The following COL5A3 variants were observed in gnomAD, a reference collection of about 807,000 sequenced individuals.
The protein encoded by COL5A3 is collagen type V alpha 3 chain.
A neutral mutation model predicts 250.0 loss-of-function variants in COL5A3; 172 were observed. The observed-to-expected ratio is 0.69, with a 90% CI of 0.61 to 0.78. COL5A3 has a LOEUF of 0.78. COL5A3 is among the 30% of genes least tolerant of loss of function. The pLI is 0.00. For missense variants in COL5A3, 2,340 were observed against 2,334.4 expected (o/e 1.00, Z -0.05); for synonymous variants, 937 against 900.4 (o/e 1.04, Z -0.73).
intron 44 of COL5A3, 151 bp from the exon 45 acceptor site, chr19:9,976,762 CT>C: frequency 1.5e-6 from 1 of 655,384 alleles, no homozygotes. Flanking sequence ...ATCCTGTCTT[CT>C]CAGCCACCAA....
intron 12 of COL5A3, 32 bp from the exon 13 acceptor site, chr19:9,996,548 C>T: frequency 6.2e-7 from 1 of 1,613,628 alleles, no homozygotes; most frequent in Non-Finnish European, 8.5e-7. Flanking sequence ...GGGAAGCCCC[C>T]AGGAGAGGCC....
At chr19:9,982,728 G>A (rs2087027824) in intron 31 of COL5A3, among the ~76,000 whole-genome samples, 1 of 152,174 alleles carries the variant, frequency 6.6e-6, no homozygotes, top group Non-Finnish European at 1.5e-5. Flanking sequence ...TGCAGACTGA[G>A]TTCAGATCAG....
rs1354841762 is a variant in COL5A3 at position 9,969,591 on chromosome 19, C to T, written c.4082G>A (p.Gly1361Glu). Residue 1361 changes from glycine to glutamate, a missense_variant, in exon 56 of 67, where the codon GGG becomes GAG. Physicochemically the swap from Gly to Glu is moderately conservative, Grantham distance 98. Transcript: ENST00000264828. ...PGRVGPEGLR[G>E]IPGPVGEPGL... ...TCCACTCACCACAGGGCCAGGGATC[C>T]CTCGAAGACCCTCAGGCCCCACACG... The T allele has an allele frequency of 6.2e-7, 1 of 1,610,010 alleles. No individual in the cohort carries two copies. The highest frequency in any genetic ancestry group is 1.1e-5 in the South Asian group (1 of 90,704).
At position 9,993,426 on chromosome 19, in the gene COL5A3, A is replaced by C; in HGVS notation, c.1703T>G (p.Phe568Cys). Residue 568 changes from phenylalanine (F) to cysteine (C), a missense_variant, in exon 19 of 67, where the codon TTT becomes TGT. By Grantham distance (205) the Phe-to-Cys change is radical. Coordinates refer to ENST00000264828, the MANE Select transcript of COL5A3 (RefSeq NM_015719.4). Reference protein sequence around the residue: ...LPGEKGQRGDFGHVGQPGPPG... With the variant: ...LPGEKGQRGDCGHVGQPGPPG... ...GGGACCGGGTTGCCCCACATGGCCAAAGTCACCCTGGAGAGGGAACAGAGG... is the reference window on the plus strand; with the variant it reads ...GGGACCGGGTTGCCCCACATGGCCACAGTCACCCTGGAGAGGGAACAGAGG... 6.2e-7 allele frequency: 1 copy of C among 1,614,138 alleles called. No homozygotes were observed. Among genetic ancestry groups the C allele is most frequent in the South Asian group, 1.1e-5 (1 of 91,068 alleles).
intron 35 of COL5A3, 53 bp downstream of exon 35, chr19:9,980,595 C>CTCTT (rs1457938104): frequency 1.3e-6 from 2 of 1,564,790 alleles, no homozygotes; most frequent in Non-Finnish European, 1.7e-6. Context: ...CTCAGAATCT[C>CTCTT]TCTCTCTCAC....
At position 9,959,967 on chromosome 19, in the gene COL5A3, G is replaced by T. The variant is rs768467338; in HGVS notation, c.*444C>A. On this transcript the variant is annotated 3_prime_UTR_variant, in exon 67 of 67. Coordinates refer to ENST00000264828, the MANE Select transcript of COL5A3 (RefSeq NM_015719.4). ...GAAAGGATCAAAGGGGGTGGGGGTA[G>T]GGGTCCCAGCCTGGGATCAGGAGAC... The T allele has an allele frequency of 1.7e-4, 29 of 175,616 alleles. No individual in the cohort carries two copies. The highest frequency in any genetic ancestry group is 2.8e-4 in the Non-Finnish European group (23 of 80,918). The allele number at this position is 175,616 out of a possible 1,614,324, so 10.9% of individuals were successfully genotyped here.
At chr19:9,965,161 T>TC (rs2086724111) in intron 64 of COL5A3, among the ~76,000 whole-genome samples, 1 of 147,896 alleles carries the variant, frequency 6.8e-6, no homozygotes, top group South Asian at 2.1e-4. Context: ...TTTTTCTTTT[T>TC]TTTTTTTTTT....
intron 11 of COL5A3, chr19:9,996,915 G>T: frequency 1.8e-6 from 1 of 557,314 alleles, no homozygotes. Flanking sequence ...AGAGAGGGAT[G>T]GAGAAGGATG....
At chr19:9,994,995 C>T (rs1243525446) in intron 16 of COL5A3, among the ~76,000 whole-genome samples, 2 of 152,066 alleles carry the variant, frequency 1.3e-5, no homozygotes, top group Non-Finnish European at 2.9e-5. Context: ...GCAACCTCTG[C>T]TTCCTGGATT....
chr19:9,993,204 G>T, intron 19 of COL5A3, 137 bp from the exon 20 acceptor site: 1 of 1,150,846 alleles, frequency 8.7e-7, no homozygotes, highest in Non-Finnish European at 1.3e-6. Context: ...AAGTTCATGG[G>T]ATTCCATTCA....
At chr19:9,982,829 G>A (rs2087029144) in intron 31 of COL5A3, among the ~76,000 whole-genome samples, 1 of 151,988 alleles carries the variant, frequency 6.6e-6, no homozygotes, top group Non-Finnish European at 1.5e-5. Context: ...CCCATCTGGG[G>A]GTTCCATGGT....
At position 9,977,270 on chromosome 19, in the gene COL5A3, C is replaced by T; in HGVS notation, c.3247G>A (p.Ala1083Thr). The T allele has an allele frequency of 6.2e-7, 1 of 1,614,128 alleles. No homozygotes were observed. Among genetic ancestry groups the T allele is most frequent in the Non-Finnish European group, 8.5e-7 (1 of 1,179,982 alleles). The part of the protein sequence containing the change: ...GEEGDKGDVG[A>T]PGHKGSKGDK... ...CCTTTACTCCCCTTGTGTCCGGGGG[C>T]ACCCACATCCCCCTGCAGAGGAAAT... is the stretch of plus-strand genomic sequence containing the variant. Residue 1083 changes from alanine (A) to threonine (T), a missense_variant, in exon 44 of 67, where the codon GCC becomes ACC. Coordinates refer to ENST00000264828, the MANE Select transcript of COL5A3 (RefSeq NM_015719.4).
chr19:9,978,326 C>T (rs1259205256), intron 41 of COL5A3, among the ~76,000 whole-genome samples: 7 of 152,030 alleles, frequency 4.6e-5, no homozygotes, highest in East Asian at 1.9e-4. Flanking sequence ...CAGGTTCAAG[C>T]GATTCTCCTG....
At position 9,996,084 on chromosome 19, in the gene COL5A3, C is replaced by A; in HGVS notation, c.1515G>T (p.Glu505Asp). The change falls in exon 15 of 67, where the codon GAG (glutamate) becomes GAT (aspartate). Residue 505 changes from glutamate (E) to aspartate (D), a missense_variant. By Grantham distance (45) the Glu-to-Asp change is conservative. Around this residue, in one of 3 missense-constraint regions of COL5A3, gnomAD observed 1,152 missense variants for 1,146.3 expected, o/e 1.00. Coordinates refer to ENST00000264828, the MANE Select transcript of COL5A3 (RefSeq NM_015719.4). ...GTCTCACCTGTGGCCCTTCTGCTCC[C>A]TCCTCTCCTTTCAGACCTGGATGCC... ...LPGHPGLKGE[E>D]GAEGPQGPRG... 6.3e-7 allele frequency: 1 copy of A among 1,584,908 alleles called. No homozygotes were observed. Among genetic ancestry groups the A allele is most frequent in the Non-Finnish European group, 8.6e-7 (1 of 1,166,642 alleles).
In COL5A3 at chr19:9,978,924, G is replaced by T; in HGVS notation, c.2931C>A (p.Gly977=). The T allele has an allele frequency of 1.3e-6, 2 of 1,506,652 alleles. No homozygotes were observed. Among genetic ancestry groups the T allele is most frequent in the Non-Finnish European group, 1.8e-6 (2 of 1,129,758 alleles). The allele number at this position is 1,506,652 out of a possible 1,614,324, so 93.3% of individuals were successfully genotyped here. The change falls in exon 40 of 67, where the codon GGC becomes GGA. Residue 977 remains glycine (G), a synonymous_variant. Coordinates refer to ENST00000264828, the MANE Select transcript of COL5A3 (RefSeq NM_015719.4). ...CAGGGCCCCCTTTGGGGCCGGGAAAGCCCCTGAGTCCAGCTGGCCCTTCTT... is the reference window on the plus strand; with the variant it reads ...CAGGGCCCCCTTTGGGGCCGGGAAATCCCCTGAGTCCAGCTGGCCCTTCTT... The part of the protein sequence containing the change: ...LGKEGPAGLR[G]FPGPKGGPGD...
rs2087297252 is a variant in COL5A3, at chr19:9,998,014, A to C, written c.1170T>G (p.Phe390Leu). 1 of 1,614,048 alleles carries C rather than the reference A, an allele frequency of 6.2e-7. No individual in the cohort carries two copies. The highest frequency in any genetic ancestry group is 8.5e-7 in the Non-Finnish European group (1 of 1,180,012). ...EPAVIEKGQQ[F>L]EGPPGAPGPQ... ...GTCCTGGGGCTCCTGGAGGTCCCTCAAACTGCTGCCCCTGAAGGGAGAAGT... is the reference window on the plus strand; with the variant it reads ...GTCCTGGGGCTCCTGGAGGTCCCTCCAACTGCTGCCCCTGAAGGGAGAAGT... The change falls in exon 10 of 67, where the codon TTT (phenylalanine) becomes TTG (leucine). Residue 390 changes from phenylalanine (F) to leucine (L), a missense_variant. Physicochemically the swap from Phe to Leu is conservative, Grantham distance 22. Coordinates refer to ENST00000264828, the MANE Select transcript of COL5A3 (RefSeq NM_015719.4).
In COL5A3 at chr19:9,973,855, A is replaced by G. The variant is rs1362491810; in HGVS notation, c.3559-46T>C. The G allele has an allele frequency of 2.5e-6, 4 of 1,609,738 alleles. No individual in the cohort carries two copies. The African/African-American group carries it at 4.0e-5, about 16-fold the overall frequency. ...AAGAGTGGGACTGTGGAATCCCAAC[A>G]TCCTCTTCTTAGGAAATGGTTGTCC... On this transcript the variant is annotated intron_variant, in intron 48 of 66. Coordinates refer to ENST00000264828, the MANE Select transcript of COL5A3 (RefSeq NM_015719.4).
chr19:9,986,807 G>A, intron 27 of COL5A3, 49 bp from the exon 28 acceptor site: 1 of 1,604,210 alleles, frequency 6.2e-7, no homozygotes, highest in Non-Finnish European at 8.5e-7. Context: ...TGCTTAAGAA[G>A]TGACCCAGAC....
At position 10,006,063 on chromosome 19, in the gene COL5A3, T is replaced by C. The variant is rs2087438898; in HGVS notation, c.247+10A>G. On this transcript the variant is annotated intron_variant, in intron 2 of 66. Coordinates refer to ENST00000264828, the MANE Select transcript of COL5A3 (RefSeq NM_015719.4). ...CCGGGGAGGTACCCAGGCCTCCTACTCCAACTCACCTGGAAAGAGTTCCCA... is the reference window on the plus strand; with the variant it reads ...CCGGGGAGGTACCCAGGCCTCCTACCCCAACTCACCTGGAAAGAGTTCCCA... 6.2e-7 allele frequency: 1 copy of C among 1,613,596 alleles called. No individual in the cohort carries two copies. Among genetic ancestry groups the C allele is most frequent in the Non-Finnish European group, 8.5e-7 (1 of 1,179,664 alleles).
Sources: gnomAD v4.1 joint callset for allele counts (sites outside exome capture counted in the v4.1 genomes callset) on GRCh38, gnomAD v4.1.1 for gene constraint, gnomAD v4.1.1 regional missense constraint, MANE v1.5 for transcripts, NCBI Gene and HGNC (gene_info 2026-07-23, HGNC 2026-07-21) for gene names.